Variants in DBH observed in about 807,000 individuals in gnomAD.
DBH encodes the protein dopamine beta-hydroxylase (dopamine beta-monooxygenase).
DBH carries 49 observed loss-of-function variants against 64.0 expected under a neutral mutation model. The ratio of observed to expected loss-of-function variants is 0.77; its 90% CI spans 0.61 to 0.97. The LOEUF is 0.97. DBH is among the 50% of genes least tolerant of loss of function. The pLI is 0.00. For synonymous variants in DBH, 343 were observed against 347.1 expected (o/e 0.99, Z 0.13); for missense variants, 828 against 826.6 (o/e 1.00, Z -0.02).
At chr9:133,657,482 G>A in intron 11 of DBH, among the ~76,000 whole-genome samples, 1 of 148,670 alleles carries the variant, frequency 6.7e-6, no homozygotes, top group African/African-American at 2.5e-5. Context: ...GGGAGAGGGA[G>A]AGAGGAGAGA....
At chr9:133,648,072 C>T (rs1832204718) in intron 6 of DBH, 60 bp downstream of exon 6, 1 of 1,551,250 alleles carries the variant, frequency 6.4e-7, no homozygotes, top group Non-Finnish European at 8.7e-7. Flanking sequence ...CAGTGGAGGC[C>T]TGGCAGGTCG....
rs920547347 is a variant in DBH at position 133,643,183 on chromosome 9, T to C, written c.745-230T>C. 1.1e-5 allele frequency among the ~76,000 whole-genome samples: 1 copy of C among 93,360 alleles called. No homozygotes were observed. Among genetic ancestry groups the C allele is most frequent in the Non-Finnish European group, 2.5e-5 (1 of 39,390 alleles). The allele number at this position is 93,360 out of a possible 152,430, so 61.2% of individuals were successfully genotyped here. On this transcript the variant is annotated intron_variant, in intron 3 of 11. Coordinates refer to ENST00000393056, the MANE Select transcript of DBH (RefSeq NM_000787.4). The surrounding 1 kb of genome is among the most constrained non-coding windows in gnomAD (Gnocchi z 5.3). ...CATGAGGACGGCTGCGTCCTGTCCCTGCCTTGGCCTGTACGAACCTCATTT... is the reference window on the plus strand; with the variant it reads ...CATGAGGACGGCTGCGTCCTGTCCCCGCCTTGGCCTGTACGAACCTCATTT...
intron 11 of DBH, 38 bp from the exon 12 acceptor site, chr9:133,658,278 C>A (rs141377669): frequency 1.9e-6 from 3 of 1,612,804 alleles, no homozygotes; most frequent in Non-Finnish European, 2.5e-6. Flanking sequence ...CATCTTGCCC[C>A]TCCAGCCTCA....
At chr9:133,657,932 A>G (rs1207571520) in intron 11 of DBH, among the ~76,000 whole-genome samples, 1 of 152,192 alleles carries the variant, frequency 6.6e-6, no homozygotes, top group African/African-American at 2.4e-5. Context: ...TGCTGAGAAT[A>G]GTGTGGGGTG....
chr9:133,658,455 CCTA>C lies in DBH; in HGVS notation c.*11_*13del, dbSNP rs750991369. 5.0e-6 allele frequency: 8 copies of C among 1,600,952 alleles called. No individual in the cohort carries two copies. In the African/African-American group the frequency reaches 9.4e-5, roughly 19 times the overall value. ...GGTGGGGGCAAAGGCTGAGGGGGGA[CCTA>C]CTCCTCCCCCTCCTCCATGCTGTCC... is the stretch of plus-strand genomic sequence containing the variant. On this transcript the variant is annotated 3_prime_UTR_variant, in exon 12 of 12. Transcript: ENST00000393056.
intron 5 of DBH, among the ~76,000 whole-genome samples, chr9:133,644,957 G>A (rs12005180): frequency 9.3e-5 from 14 of 150,182 alleles, no homozygotes; most frequent in South Asian, 2.1e-4. Flanking sequence ...ACACACACAC[G>A]CACACACACA....
chr9:133,651,812 ACACCCTGCCACCACAC>A, intron 7 of DBH, 35 bp downstream of exon 7: 1 of 934,024 alleles, frequency 1.1e-6, no homozygotes. Context: ...CCCCGCCCCC[ACACCCTGCCACCACAC>A]GACCTCCTGG....
rs773664185 is a variant in DBH, at chr9:133,652,267, G to C, written c.1357G>C (p.Val453Leu). ...CCAGGAGATCCGCATGTTGAAGAAG[G>C]TCGTGTCGGTCCATCCGGTGAGTGC... Reference protein sequence around the residue: ...HFQEIRMLKKVVSVHPGDVLI... With the variant: ...HFQEIRMLKKLVSVHPGDVLI... Residue 453 changes from valine (V) to leucine (L), a missense_variant, in exon 8 of 12, where the codon GTC becomes CTC. Coordinates refer to ENST00000393056, the MANE Select transcript of DBH (RefSeq NM_000787.4). 61 of 1,613,620 alleles carry C rather than the reference G, an allele frequency of 3.8e-5. No homozygotes were observed. Among genetic ancestry groups the C allele is most frequent in the Non-Finnish European group, 5.1e-5 (60 of 1,180,038 alleles).
At chr9:133,639,128 C>T (rs554991466) in intron 1 of DBH, among the ~76,000 whole-genome samples, 5 of 151,428 alleles carry the variant, frequency 3.3e-5, no homozygotes, top group African/African-American at 1.2e-4. Context: ...TGTGGTGGCT[C>T]ATGCCTGTAA....
Position 133,639,891 on chromosome 9 carries a change from C to T in DBH, c.385C>T (p.Gln129Ter), listed in dbSNP as rs759481538. The T allele has an allele frequency of 6.2e-7, 1 of 1,613,014 alleles. No individual in the cohort carries two copies. The highest frequency in any genetic ancestry group is 1.1e-5 in the South Asian group (1 of 90,802). The change falls in exon 2 of 12, where the codon CAG becomes TAG. Residue 129 changes from glutamine (Q) to a stop codon, truncating the protein, a stop_gained. Coordinates refer to ENST00000393056, the MANE Select transcript of DBH (RefSeq NM_000787.4). LOFTEE classifies it high-confidence loss of function. Reference sequence around the variant, plus strand: ...GGGGCAGATCCACCTGGATCCCCAGCAGGACTACCAGCTGCTGCAGGTGCA... The same window carrying T: ...GGGGCAGATCCACCTGGATCCCCAGTAGGACTACCAGCTGCTGCAGGTGCA... ...QKGQIHLDPQ[Q>*]DYQLLQVQRT...
chr9:133,648,433 G>A (rs2131289255), intron 6 of DBH, among the ~76,000 whole-genome samples: 1 of 152,288 alleles, frequency 6.6e-6, no homozygotes, highest in South Asian at 2.1e-4. Flanking sequence ...CCTTTTTCCT[G>A]TATATTTCAG....
chr9:133,641,883 TGGA>T (rs1312104484), intron 2 of DBH, among the ~76,000 whole-genome samples: 1 of 152,088 alleles, frequency 6.6e-6, no homozygotes, highest in Non-Finnish European at 1.5e-5. Context: ...TTGGGGTTGG[TGGA>T]GGGAACAAAT....
At position 133,647,723 on chromosome 9, in the gene DBH, G is replaced by A. The variant is rs985465254; in HGVS notation, c.1025-123G>A. The A allele has an allele frequency of 4.2e-6, 5 of 1,190,966 alleles. No homozygotes were observed. The Admixed American group carries it at 9.9e-5, about 23-fold the overall frequency. The allele number at this position is 1,190,966 out of a possible 1,614,324, so 73.8% of individuals were successfully genotyped here. A position where few individuals can be genotyped will look rare whatever the true frequency, so the allele number is the denominator to read the frequency against. On this transcript the variant is annotated intron_variant, in intron 5 of 11. Transcript: ENST00000393056. ...GTCTGCCTAGCAGGTGGGAGCAGAT[G>A]GGGGGTGACCGGCCCTGCCTCCTGG...
At chr9:133,644,927 GACACACACGCACACAATGCAC>G (rs1293447002) in intron 5 of DBH, among the ~76,000 whole-genome samples, 2 of 146,518 alleles carry the variant, frequency 1.4e-5, no homozygotes, top group East Asian at 1.9e-4. Flanking sequence ...ACCATATATA[GACACACACGCACACAATGCAC>G]ACACACACGC....
chr9:133,656,670 G>C lies in DBH; in HGVS notation c.1562+20G>C, dbSNP rs755468124. ...CAACAGGTGAGGGCTCCCTGCACAA[G>C]CTCCCTGCCCCCAGGGAACCCCGAC... is the stretch of plus-strand genomic sequence containing the variant. On this transcript the variant is annotated intron_variant, in intron 10 of 11. Transcript: ENST00000393056. 1.3e-5 allele frequency: 21 copies of C among 1,609,984 alleles called. No homozygotes were observed. The South Asian group carries it at 2.0e-4, about 15-fold the overall frequency.
In DBH at chr9:133,643,631, C is replaced by T; in HGVS notation, c.921+42C>T. The T allele has an allele frequency of 1.3e-6, 2 of 1,596,660 alleles. No individual in the cohort carries two copies. The highest frequency in any genetic ancestry group is 2.2e-5 in the East Asian group (1 of 44,742). The stretch of plus-strand genomic sequence containing the variant: ...CCCAGCATGGTGTCTCCTGCCTGGG[C>T]CCCTGGCATCCCCACACCTCTGTTT... On this transcript the variant is annotated intron_variant, in intron 4 of 11. Transcript: ENST00000393056. This position sits in a 1 kb window ranked among gnomAD's most constrained non-coding sequence, Gnocchi z 5.3.
rs1219489084 is a variant in DBH at position 133,642,279 on chromosome 9, G to C, written c.559G>C (p.Gly187Arg). Residue 187 changes from glycine (G) to arginine (R), a missense_variant, in exon 3 of 12, where the codon GGC becomes CGC. Gly to Arg is a moderately radical substitution (Grantham distance 125). Coordinates refer to ENST00000393056, the MANE Select transcript of DBH (RefSeq NM_000787.4). ...GTCACTGGAGGCCATCAACGGCTCG[G>C]GCCTGCAGATGGGGCTGCAGAGGGT... is the stretch of plus-strand genomic sequence containing the variant. ...FRSLEAINGS[G>R]LQMGLQRVQL... 2.5e-6 allele frequency: 4 copies of C among 1,613,950 alleles called. No individual in the cohort carries two copies. Among genetic ancestry groups the C allele is most frequent in the Non-Finnish European group, 3.4e-6 (4 of 1,180,016 alleles).
rs756135833 is a variant in DBH at position 133,652,983 on chromosome 9, G to A, written c.1418G>A (p.Arg473Gln). The change falls in exon 9 of 12, where the codon CGG becomes CAG. Residue 473 changes from arginine to glutamine, a missense_variant. Coordinates refer to ENST00000393056, the MANE Select transcript of DBH (RefSeq NM_000787.4). ...TCCTGCACGTACAACACAGAAGACC[G>A]GGAGCTGGCCACAGTGGTAAGTCAC... ...ITSCTYNTED[R>Q]ELATVGGFGI... The A allele has an allele frequency of 8.7e-6, 14 of 1,613,230 alleles. No individual in the cohort carries two copies. Among genetic ancestry groups the A allele is most frequent in the East Asian group, 2.2e-5 (1 of 44,880 alleles).
intron 1 of DBH, among the ~76,000 whole-genome samples, chr9:133,637,206 A>G (rs2519143): frequency 0.82 from 124,617 of 152,200 alleles, 51,208 homozygotes; most frequent in African/African-American, 0.86. Context: ...CCCGTGGACC[A>G]ACTGAGCAGG....
Sources: gnomAD v4.1 joint callset for allele counts (sites outside exome capture counted in the v4.1 genomes callset) on GRCh38, gnomAD v4.1.1 for gene constraint, Gnocchi (gnomAD v3.1) non-coding constraint, MANE v1.5 for transcripts, NCBI Gene and HGNC (gene_info 2026-07-23, HGNC 2026-07-21) for gene names.